Variants in DGKB observed in about 807,000 individuals in gnomAD.
The protein encoded by DGKB is 90 kDa diacylglycerol kinase.
Under a neutral mutation model 114.3 loss-of-function variants are expected in DGKB, and 67 were observed. The observed-to-expected ratio is 0.59, with a 90% CI of 0.48 to 0.72. DGKB has a LOEUF of 0.72. DGKB is among the 30% of genes least tolerant of loss of function. The probability of loss-of-function intolerance (pLI) is 0.00; values close to 1 mark genes in which losing one functional copy is unlikely to be tolerated. For missense variants in DGKB, 907 were observed against 975.2 expected (o/e 0.93, Z 0.93); for synonymous variants, 398 against 323.1 (o/e 1.23, Z -2.49).
chr7:14,795,396 A>G (rs1024453891), intron 2 of DGKB, among the ~76,000 whole-genome samples: 5 of 152,190 alleles, frequency 3.3e-5, no homozygotes, highest in Non-Finnish European at 7.3e-5. Context: ...CCTTATTGCA[A>G]TGTAGAAGAA....
At chr7:14,548,678 C>T (rs919380519) in intron 20 of DGKB, among the ~76,000 whole-genome samples, 6 of 152,092 alleles carry the variant, frequency 3.9e-5, no homozygotes, top group African/African-American at 1.4e-4. Flanking sequence ...GCTTGGAATT[C>T]ATCTGTATGC....
chr7:14,328,285 T>A (rs1238712159), intron 23 of DGKB, among the ~76,000 whole-genome samples: 1 of 152,100 alleles, frequency 6.6e-6, no homozygotes, highest in Non-Finnish European at 1.5e-5. Flanking sequence ...TAAAATAAAA[T>A]TATTTAATGT....
At chr7:14,330,560 A>G (rs1335047325) in intron 23 of DGKB, among the ~76,000 whole-genome samples, 3 of 152,024 alleles carry the variant, frequency 2.0e-5, no homozygotes, top group African/African-American at 7.2e-5. Context: ...AAGTTATAGC[A>G]TTATACTTCT....
chr7:14,837,441 C>T (rs763219919), intron 2 of DGKB, among the ~76,000 whole-genome samples: 4 of 152,074 alleles, frequency 2.6e-5, no homozygotes, highest in Non-Finnish European at 5.9e-5. Flanking sequence ...ACTCATCTTG[C>T]CCAATAGTTC....
chr7:14,769,243 A>AAAGC (rs780679147), intron 2 of DGKB, among the ~76,000 whole-genome samples: 3,321 of 127,210 alleles, frequency 0.026, 71 homozygotes, highest in Non-Finnish European at 0.031. Context: ...AGAAAGAAAG[A>AAAGC]AAGAAAGAAA....
At chr7:14,742,988 A>T (rs1832777685) in intron 4 of DGKB, among the ~76,000 whole-genome samples, 1 of 152,202 alleles carries the variant, frequency 6.6e-6, no homozygotes, top group Non-Finnish European at 1.5e-5. Flanking sequence ...ACATTGACTA[A>T]ACTCAAAGGA....
chr7:14,479,996 C>T (rs755349898), intron 20 of DGKB, among the ~76,000 whole-genome samples: 11 of 151,958 alleles, frequency 7.2e-5, no homozygotes, highest in Non-Finnish European at 1.2e-4. Flanking sequence ...TGAATTGTTT[C>T]TGCTAAGTTG....
intron 2 of DGKB, among the ~76,000 whole-genome samples, chr7:14,792,017 G>A (rs552098144): frequency 1.3e-5 from 2 of 152,136 alleles, no homozygotes; most frequent in African/African-American, 2.4e-5. Flanking sequence ...CTATTAATTG[G>A]TAGAGACTGT....
chr7:14,489,101 C>A lies in DGKB; in HGVS notation c.1771-10876G>T, dbSNP rs527827223. ...TAACAAAAATCTTTACTAAGATGAT[C>A]ATAGGCCTAGAATATTTCACAAACT... is the stretch of plus-strand genomic sequence containing the variant. On this transcript the variant is annotated intron_variant, in intron 20 of 25. Transcript: ENST00000402815. 3.7e-4 allele frequency among the ~76,000 whole-genome samples: 57 copies of A among 152,252 alleles called. 1 individual carries two copies. The South Asian group carries it at 0.011, about 30-fold the overall frequency.
intron 21 of DGKB, among the ~76,000 whole-genome samples, chr7:14,373,569 C>T (rs1818013440): frequency 6.6e-6 from 1 of 152,086 alleles, no homozygotes; most frequent in African/African-American, 2.4e-5. Context: ...GATTACTTCC[C>T]TGCCTTAGCT....
chr7:14,431,058 T>C (rs987353076), intron 21 of DGKB, among the ~76,000 whole-genome samples: 13 of 152,162 alleles, frequency 8.5e-5, no homozygotes, highest in African/African-American at 2.4e-4. Context: ...CTTTCCTGGC[T>C]ATAGTTGCTC....
chr7:14,458,469 G>A (rs1458812044), intron 21 of DGKB, among the ~76,000 whole-genome samples: 1 of 152,132 alleles, frequency 6.6e-6, no homozygotes, highest in Admixed American at 6.5e-5. Flanking sequence ...GCAGAAGGTG[G>A]GTGATTTCTG....
chr7:14,330,364 C>T (rs1348935782), intron 23 of DGKB, among the ~76,000 whole-genome samples: 1 of 151,952 alleles, frequency 6.6e-6, no homozygotes, highest in Non-Finnish European at 1.5e-5. Context: ...TCTGCCATCC[C>T]TGTGTACCTT....
At chr7:14,829,010 G>GA (rs1325374398) in intron 2 of DGKB, among the ~76,000 whole-genome samples, 1 of 151,564 alleles carries the variant, frequency 6.6e-6, no homozygotes, top group Admixed American at 6.6e-5. Context: ...CAACAACCTA[G>GA]AAAAAAAATA....
intron 1 of DGKB, among the ~76,000 whole-genome samples, chr7:14,962,829 A>G (rs531650725): frequency 1.6e-4 from 25 of 152,290 alleles, no homozygotes; most frequent in African/African-American, 5.8e-4. Flanking sequence ...ATAAGCTATT[A>G]TATGATTCAG....
chr7:14,646,056 T>G (rs1812931587), intron 13 of DGKB, among the ~76,000 whole-genome samples: 1 of 152,090 alleles, frequency 6.6e-6, no homozygotes, highest in African/African-American at 2.4e-5. Flanking sequence ...AATTCACCAA[T>G]TAAAAGATAG....
At chr7:14,478,291 G>A in intron 20 of DGKB, 66 bp from the exon 21 acceptor site, 2 of 909,062 alleles carry the variant, frequency 2.2e-6, no homozygotes, top group Non-Finnish European at 1.6e-6. Flanking sequence ...TGAAAATGTA[G>A]ACTAAATAAA....
intron 1 of DGKB, among the ~76,000 whole-genome samples, chr7:14,885,314 G>C (rs76989762): frequency 1.3e-3 from 192 of 152,054 alleles, no homozygotes; most frequent in African/African-American, 4.5e-3. Context: ...GAAGATCTAA[G>C]AAAGCTACAG....
intron 1 of DGKB, among the ~76,000 whole-genome samples, chr7:14,867,616 A>G (rs980473635): frequency 1.3e-5 from 2 of 152,150 alleles, no homozygotes; most frequent in Non-Finnish European, 2.9e-5. Context: ...GTGAAAACTA[A>G]TTATAAACCT....
Sources: allele counts gnomAD v4.1 joint callset (sites outside exome capture counted in the v4.1 genomes callset), GRCh38; gene constraint gnomAD v4.1.1; transcripts MANE v1.5; gene names NCBI Gene and HGNC (gene_info 2026-07-23, HGNC 2026-07-21).